CUBN: variants seen among roughly 807,000 people sequenced by gnomAD.
CUBN encodes cubilin, also known as 460 kDa receptor.
CUBN carries 282 observed loss-of-function variants against 405.3 expected under a neutral mutation model. The observed-to-expected ratio is 0.70, with a 90% CI of 0.63 to 0.77. The LOEUF (loss-of-function observed/expected upper bound fraction) is 0.77, where lower values mean the gene tolerates loss of function less well. CUBN is among the 30% of genes least tolerant of loss of function. CUBN has a pLI of 0.00. For synonymous variants in CUBN, 1,684 were observed against 1,617.0 expected (o/e 1.04, Z -0.99); for missense variants, 4,514 against 4,475.2 (o/e 1.01, Z -0.25).
chr10:17,057,839 C>A lies in CUBN; in HGVS notation c.3139+7669G>T, dbSNP rs116286918. ...ACACATTATGCCAAATGAAAGAAGC[C>A]AAGCCGGGTGCGGTGGCTCACGCCT... On this transcript the variant is annotated intron_variant, in intron 22 of 66. Transcript: ENST00000377833. 6.7e-3 allele frequency among the ~76,000 whole-genome samples: 1,014 copies of A among 151,998 alleles called. 12 individuals carry two copies. Among genetic ancestry groups the A allele is most frequent in the African/African-American group, 0.023 (972 of 41,506 alleles).
chr10:17,033,608 G>C (rs1834828552), intron 27 of CUBN, among the ~76,000 whole-genome samples: 1 of 152,182 alleles, frequency 6.6e-6, no homozygotes, highest in African/African-American at 2.4e-5. Context: ...GTTTTAATTT[G>C]GCATATCGCA....
chr10:17,032,403 C>T (rs1178965507), intron 27 of CUBN, among the ~76,000 whole-genome samples: 1 of 152,206 alleles, frequency 6.6e-6, no homozygotes, highest in African/African-American at 2.4e-5. Flanking sequence ...AGAGCCCACA[C>T]TGTATTCGTG....
chr10:16,853,646 C>T (rs1166216547), intron 59 of CUBN, among the ~76,000 whole-genome samples: 2 of 152,202 alleles, frequency 1.3e-5, no homozygotes, highest in African/African-American at 2.4e-5. Context: ...GGCCCAGTCC[C>T]TGATATATTC....
intron 48 of CUBN, among the ~76,000 whole-genome samples, chr10:16,912,783 C>A (rs1279046214): frequency 6.6e-6 from 1 of 152,106 alleles, no homozygotes; most frequent in Non-Finnish European, 1.5e-5. Context: ...GAGGGAGGGG[C>A]AGCAGATAAT....
chr10:16,838,997 G>A (rs1395360826), intron 62 of CUBN, among the ~76,000 whole-genome samples: 1 of 152,064 alleles, frequency 6.6e-6, no homozygotes, highest in Non-Finnish European at 1.5e-5. Flanking sequence ...TATCAGACTA[G>A]TGCCAAACAG....
At chr10:17,020,612 T>G (rs923022976) in intron 27 of CUBN, among the ~76,000 whole-genome samples, 1 of 152,128 alleles carries the variant, frequency 6.6e-6, no homozygotes, top group Non-Finnish European at 1.5e-5. Flanking sequence ...ATCCAAAAAT[T>G]TCTCTTGATA....
intron 31 of CUBN, among the ~76,000 whole-genome samples, chr10:16,964,576 T>C (rs1187455032): frequency 6.6e-6 from 1 of 152,212 alleles, no homozygotes; most frequent in Non-Finnish European, 1.5e-5. Flanking sequence ...ATTTCTTCTT[T>C]TCTGTATTCT....
intron 14 of CUBN, among the ~76,000 whole-genome samples, chr10:17,090,772 T>A (rs1293910967): frequency 2.0e-5 from 3 of 150,106 alleles, no homozygotes; most frequent in East Asian, 3.9e-4. Flanking sequence ...AATATGTTCA[T>A]GTCATTGGGA....
chr10:16,949,524 C>G (rs1335491861), intron 34 of CUBN, among the ~76,000 whole-genome samples: 1 of 151,122 alleles, frequency 6.6e-6, no homozygotes, highest in East Asian at 1.9e-4. Flanking sequence ...TAGCGGCACT[C>G]TTTAATTTTA....
Position 16,963,939 on chromosome 10 carries a change from T to A in CUBN, c.4696-9391A>T, listed in dbSNP as rs1223827435. ...GGGAATCACAAACCAGAAATCTCATTAGCAGTTTCCTCTGGGACGGGGAAC... is the reference window on the plus strand; with the variant it reads ...GGGAATCACAAACCAGAAATCTCATAAGCAGTTTCCTCTGGGACGGGGAAC... On this transcript the variant is annotated intron_variant, in intron 31 of 66. Coordinates refer to ENST00000377833, the MANE Select transcript of CUBN (RefSeq NM_001081.4). Among the ~76,000 whole-genome samples the A allele has an allele frequency of 2.0e-5, 3 of 152,194 alleles. No homozygotes were observed. In the East Asian group the frequency reaches 5.8e-4, roughly 29 times the overall value.
At chr10:16,935,028 G>T (rs1455080396) in intron 39 of CUBN, among the ~76,000 whole-genome samples, 6 of 152,198 alleles carry the variant, frequency 3.9e-5, no homozygotes, top group Non-Finnish European at 8.8e-5. Flanking sequence ...CTAGTCCACA[G>T]TAAGCTCATT....
At chr10:16,889,946 A>G (rs569791328) in intron 55 of CUBN, among the ~76,000 whole-genome samples, 1 of 143,402 alleles carries the variant, frequency 7.0e-6, no homozygotes, top group South Asian at 2.4e-4. Context: ...AAAAAAAAAA[A>G]AAAAAAACAG....
At chr10:16,988,144 C>T (rs566564364) in intron 29 of CUBN, among the ~76,000 whole-genome samples, 4 of 152,244 alleles carry the variant, frequency 2.6e-5, no homozygotes, top group Non-Finnish European at 4.4e-5. Flanking sequence ...TGACACAACC[C>T]GAAACACAAT....
chr10:17,089,895 C>A (rs555330069), intron 14 of CUBN, among the ~76,000 whole-genome samples: 1 of 152,124 alleles, frequency 6.6e-6, no homozygotes, highest in African/African-American at 2.4e-5. Flanking sequence ...GAGGCTGAGG[C>A]AGGAATATCA....
rs1564516091 is a variant in CUBN at position 17,103,136 on chromosome 10, C to T, written c.1519G>A (p.Glu507Lys). 6.2e-7 allele frequency: 1 copy of T among 1,607,040 alleles called. No individual in the cohort carries two copies. The highest frequency in any genetic ancestry group is 8.5e-7 in the Non-Finnish European group (1 of 1,173,690). The change falls in exon 13 of 67, where the codon GAA (glutamate) becomes AAA (lysine). Residue 507 changes from glutamate to lysine, a missense_variant. Coordinates refer to ENST00000377833, the MANE Select transcript of CUBN (RefSeq NM_001081.4). ...DVNCFWVIKT[E>K]MGKVLRITFT... ...GTTACTACATTTACCTTTCCCATTT[C>T]AGTTTTGATAACCCAGAAGCAGTTA...
At chr10:16,960,234 G>A (rs565119413) in intron 31 of CUBN, among the ~76,000 whole-genome samples, 3 of 152,230 alleles carry the variant, frequency 2.0e-5, no homozygotes, top group Admixed American at 2.0e-4. Context: ...GCTCACGCCT[G>A]TAATCCCAGC....
intron 54 of CUBN, among the ~76,000 whole-genome samples, chr10:16,895,512 G>T (rs1248180022): frequency 6.6e-6 from 1 of 152,116 alleles, no homozygotes; most frequent in African/African-American, 2.4e-5. Flanking sequence ...TATAACCGAA[G>T]ATTTGTCTAC....
chr10:17,118,405 T>C (rs905321000), intron 6 of CUBN, among the ~76,000 whole-genome samples: 4 of 152,194 alleles, frequency 2.6e-5, no homozygotes, highest in South Asian at 2.1e-4. Context: ...AGTAGAGTTA[T>C]ATGAAGATGC....
Position 17,066,351 on chromosome 10 carries a change from G to A in CUBN, c.3009-713C>T, listed in dbSNP as rs185825040. Among the ~76,000 whole-genome samples the A allele has an allele frequency of 5.1e-3, 780 of 152,226 alleles. 4 individuals are homozygous for A. The highest frequency in any genetic ancestry group is 0.018 in the African/African-American group (749 of 41,546). On this transcript the variant is annotated intron_variant, in intron 21 of 66. Transcript: ENST00000377833. ...TTATCTGGAGAAATACCTGTAGGAA[G>A]AAGTGACAATAAAATAGGAATCTCA...
Sources: gnomAD v4.1 joint callset for allele counts (sites outside exome capture counted in the v4.1 genomes callset) on GRCh38, gnomAD v4.1.1 for gene constraint, MANE v1.5 for transcripts, NCBI Gene and HGNC (gene_info 2026-07-23, HGNC 2026-07-21) for gene names.